The following PPP6R3 variants were observed in gnomAD, a reference collection of about 807,000 sequenced individuals.
PPP6R3 encodes the protein protein phosphatase 6 regulatory subunit 3, also known as serine/threonine-protein phosphatase 6 regulatory subunit 3.
A neutral mutation model predicts 110.7 loss-of-function variants in PPP6R3; 38 were observed. That is an observed-to-expected ratio of 0.34 (90% CI 0.26 to 0.45). PPP6R3 has a LOEUF of 0.45. Among genes scored for constraint, PPP6R3 ranks in the 20% least tolerant of loss-of-function variants. PPP6R3 has a pLI of 1.00. For missense variants in PPP6R3, 870 were observed against 1,062.4 expected (o/e 0.82, Z 2.52); for synonymous variants, 369 against 373.5 (o/e 0.99, Z 0.14).
At chr11:68,518,894 AT>A (rs2099150185) in intron 1 of PPP6R3, among the ~76,000 whole-genome samples, 1 of 152,186 alleles carries the variant, frequency 6.6e-6, no homozygotes. Flanking sequence ...AGGAATTCTA[AT>A]TAGTTCAATG....
intron 13 of PPP6R3, 50 bp from the exon 14 acceptor site, chr11:68,575,908 C>G (rs766038981): frequency 7.3e-7 from 1 of 1,370,670 alleles, no homozygotes; most frequent in African/African-American, 1.4e-5. Flanking sequence ...TATTTGTCTC[C>G]GTGGAGGTCA....
chr11:68,499,275 C>T (rs945217635), intron 1 of PPP6R3, among the ~76,000 whole-genome samples: 2 of 152,012 alleles, frequency 1.3e-5, no homozygotes, highest in Non-Finnish European at 2.9e-5. Flanking sequence ...GTGTGATTAG[C>T]CCTCTGAAGC....
intron 11 of PPP6R3, among the ~76,000 whole-genome samples, chr11:68,570,233 T>C (rs1407608238): frequency 6.6e-6 from 1 of 152,258 alleles, no homozygotes; most frequent in Non-Finnish European, 1.5e-5. Flanking sequence ...ATTATTTGGC[T>C]GACCAGAGTG....
chr11:68,599,911 C>T (rs11228291), intron 19 of PPP6R3, among the ~76,000 whole-genome samples: 34,801 of 151,982 alleles, frequency 0.23, 4,228 homozygotes, highest in Middle Eastern at 0.31. Flanking sequence ...TTCACGAGGT[C>T]GGGATATTGA....
At chr11:68,475,514 C>A (rs1394328453) in intron 1 of PPP6R3, among the ~76,000 whole-genome samples, 1 of 151,706 alleles carries the variant, frequency 6.6e-6, no homozygotes, top group Non-Finnish European at 1.5e-5. Flanking sequence ...CCGCCACCTC[C>A]CGGACGGGGC....
intron 9 of PPP6R3, among the ~76,000 whole-genome samples, chr11:68,565,845 G>T (rs1277314269): frequency 1.3e-5 from 2 of 152,270 alleles, no homozygotes; most frequent in East Asian, 3.9e-4. Flanking sequence ...GATCCATGAA[G>T]TTTTTTACAA....
chr11:68,568,535 A>G (rs868025470), intron 10 of PPP6R3, among the ~76,000 whole-genome samples: 1 of 152,264 alleles, frequency 6.6e-6, no homozygotes, highest in East Asian at 1.9e-4. Context: ...TAATGCTATT[A>G]CCTTTTCAAG....
At chr11:68,529,599 C>G (rs1190751910) in intron 2 of PPP6R3, among the ~76,000 whole-genome samples, 1 of 152,156 alleles carries the variant, frequency 6.6e-6, no homozygotes, top group Non-Finnish European at 1.5e-5. Context: ...AGATCTAGCT[C>G]TTTGCATTAT....
intron 6 of PPP6R3, among the ~76,000 whole-genome samples, chr11:68,551,758 A>G (rs545921323): frequency 6.6e-6 from 1 of 152,244 alleles, no homozygotes; most frequent in South Asian, 2.1e-4. Flanking sequence ...AAGTGCTGGG[A>G]TTACAGCCGT....
chr11:68,529,357 T>C (rs1350251896), intron 2 of PPP6R3, among the ~76,000 whole-genome samples: 1 of 152,140 alleles, frequency 6.6e-6, no homozygotes, highest in East Asian at 1.9e-4. Flanking sequence ...TAGCTGGGAT[T>C]ACAGGCGACT....
At chr11:68,544,515 C>T (rs1362758595) in intron 3 of PPP6R3, among the ~76,000 whole-genome samples, 1 of 152,228 alleles carries the variant, frequency 6.6e-6, no homozygotes, top group African/African-American at 2.4e-5. Context: ...CTCGTACGTC[C>T]AGCCGCTTTC....
intron 23 of PPP6R3, among the ~76,000 whole-genome samples, chr11:68,612,052 G>A (rs541859853): frequency 1.3e-5 from 2 of 152,218 alleles, no homozygotes; most frequent in East Asian, 3.8e-4. Flanking sequence ...GTGAAGCCCT[G>A]TGGGGCGTGG....
intron 2 of PPP6R3, among the ~76,000 whole-genome samples, chr11:68,532,226 G>A (rs2099244924): frequency 6.6e-6 from 1 of 152,210 alleles, no homozygotes; most frequent in African/African-American, 2.4e-5. Flanking sequence ...GGGTCATTAA[G>A]TAAAGCAGTT....
chr11:68,544,906 A>G lies in PPP6R3; in HGVS notation c.296A>G (p.Asp99Gly), dbSNP rs773251222. The part of the protein sequence containing the change: ...VSQMNDRLGE[D>G]ESLLMKLYSF... ...CAGATGAATGATAGACTGGGAGAAG[A>G]TGAATCCTTGCTAATGAAATTATAT... Residue 99 changes from aspartate (D) to glycine (G), a missense_variant, in exon 4 of 24, where the codon GAT (aspartate) becomes GGT (glycine). Coordinates refer to ENST00000393800, the MANE Select transcript of PPP6R3 (RefSeq NM_001164161.2). 6.2e-7 allele frequency: 1 copy of G among 1,607,150 alleles called. No individual in the cohort carries two copies. Among genetic ancestry groups the G allele is most frequent in the South Asian group, 1.1e-5 (1 of 90,904 alleles).
At position 68,609,982 on chromosome 11, in the gene PPP6R3, G is replaced by T; in HGVS notation, c.2529G>T (p.Lys843Asn). The T allele has an allele frequency of 6.2e-7, 1 of 1,614,144 alleles. No individual in the cohort carries two copies. The highest frequency in any genetic ancestry group is 1.1e-5 in the South Asian group (1 of 91,084). The change falls in exon 23 of 24, where the codon AAG (lysine) becomes AAT (asparagine). Residue 843 changes from lysine (K) to asparagine (N), a missense_variant. By Grantham distance (94) the Lys-to-Asn change is moderately conservative. Transcript: ENST00000393800. ...AEECPETAEA[K>N]CAAPRPPSSS... ...AGTGTCCCGAGACTGCAGAGGCGAA[G>T]TGCGCGGCGCCCAGGCCTCCCAGCA...
At chr11:68,495,056 A>G (rs1349638914) in intron 1 of PPP6R3, among the ~76,000 whole-genome samples, 1 of 152,168 alleles carries the variant, frequency 6.6e-6, no homozygotes, top group African/African-American at 2.4e-5. Flanking sequence ...GATGTACCAT[A>G]AAGTTTACTT....
chr11:68,571,662 A>G (rs930039342), intron 12 of PPP6R3, among the ~76,000 whole-genome samples: 2 of 152,226 alleles, frequency 1.3e-5, no homozygotes, highest in African/African-American at 4.8e-5. Context: ...CTGTAACAGC[A>G]TTCCTCTCTA....
intron 1 of PPP6R3, among the ~76,000 whole-genome samples, chr11:68,464,708 T>C (rs2098733495): frequency 1.3e-5 from 2 of 152,156 alleles, no homozygotes; most frequent in East Asian, 1.9e-4. Flanking sequence ...GACTTTTTTT[T>C]CTTAACCTCA....
chr11:68,464,292 C>A (rs1045132992), intron 1 of PPP6R3, among the ~76,000 whole-genome samples: 1 of 152,094 alleles, frequency 6.6e-6, no homozygotes, highest in South Asian at 2.1e-4. Context: ...CCACCATGCC[C>A]GGCTGTTTTT....
Sources: allele counts gnomAD v4.1 joint callset (sites outside exome capture counted in the v4.1 genomes callset), GRCh38; gene constraint gnomAD v4.1.1; transcripts MANE v1.5; gene names NCBI Gene and HGNC (gene_info 2026-07-23, HGNC 2026-07-21).